JARID2: variants seen among roughly 807,000 people sequenced by gnomAD.
JARID2 encodes protein Jumonji.
A neutral mutation model predicts 125.6 loss-of-function variants in JARID2; 21 were observed. The ratio of observed to expected loss-of-function variants is 0.17; its 90% CI spans 0.12 to 0.24. The LOEUF is 0.24. Among genes scored for constraint, JARID2 ranks in the 10% least tolerant of loss-of-function variants. The pLI, the probability that JARID2 is intolerant of heterozygous loss-of-function variation, is 1.00. For missense variants in JARID2, 1,303 were observed against 1,639.6 expected (o/e 0.79, Z 3.55); for synonymous variants, 736 against 661.6 (o/e 1.11, Z -1.73).
rs149575021 is a variant in JARID2, at chr6:15,448,638, C to T, written c.324-3368C>T. Among the ~76,000 whole-genome samples, 14 of 152,248 alleles carry T rather than the reference C, an allele frequency of 9.2e-5. No homozygotes were observed. In the East Asian group the frequency reaches 2.3e-3, roughly 25 times the overall value. ...AAACCAGCAATTTTTCTAAATATGG[C>T]ACAACATTTCCTTTGTTTTAAAACA... On this transcript the variant is annotated intron_variant, in intron 3 of 17. Transcript: ENST00000341776.
At chr6:15,455,816 C>T (rs1437278723) in intron 4 of JARID2, among the ~76,000 whole-genome samples, 2 of 152,200 alleles carry the variant, frequency 1.3e-5, no homozygotes, top group East Asian at 1.9e-4. Flanking sequence ...GCATGAGTCA[C>T]CATGCCCGGC....
In JARID2 at chr6:15,478,136, A is replaced by G. The variant is rs184720911; in HGVS notation, c.671-9171A>G. The stretch of plus-strand genomic sequence containing the variant: ...CTTCGGGATAGTTGGCCCATGCCCC[A>G]TGAGTTTGGTGTTGTTACCTTCGTA... On this transcript the variant is annotated intron_variant, in intron 5 of 17. Coordinates refer to ENST00000341776, the MANE Select transcript of JARID2 (RefSeq NM_004973.4). Among the ~76,000 whole-genome samples, 40 of 152,270 alleles carry G rather than the reference A, an allele frequency of 2.6e-4. 1 individual carries two copies. The East Asian group carries it at 7.5e-3, about 29-fold the overall frequency.
intron 1 of JARID2, among the ~76,000 whole-genome samples, chr6:15,267,959 T>C (rs1000150030): frequency 6.6e-6 from 1 of 152,162 alleles, no homozygotes; most frequent in Non-Finnish European, 1.5e-5. Context: ...CTCCTAAGGC[T>C]TAACTGCGGC....
At chr6:15,498,797 C>G (rs1283781028) in intron 7 of JARID2, among the ~76,000 whole-genome samples, 1 of 152,234 alleles carries the variant, frequency 6.6e-6, no homozygotes, top group Non-Finnish European at 1.5e-5. Flanking sequence ...GTGCAGGGAG[C>G]AGGCTCTGCA....
chr6:15,341,967 ATTT>A (rs1170241830), intron 1 of JARID2, among the ~76,000 whole-genome samples: 4 of 152,026 alleles, frequency 2.6e-5, no homozygotes, highest in Non-Finnish European at 4.4e-5. Context: ...AGAGCAATAT[ATTT>A]TTATCTTAGA....
chr6:15,506,873 T>G (rs1771029521), intron 9 of JARID2, among the ~76,000 whole-genome samples: 1 of 152,248 alleles, frequency 6.6e-6, no homozygotes, highest in South Asian at 2.1e-4. Context: ...TGGGATACTT[T>G]GGTGGCTTCA....
chr6:15,504,576 C>T lies in JARID2; in HGVS notation c.2525C>T (p.Ala842Val), dbSNP rs1770902747. The change falls in exon 9 of 18, where the codon GCC becomes GTC. Residue 842 changes from alanine (A) to valine (V), a missense_variant. Coordinates refer to ENST00000341776, the MANE Select transcript of JARID2 (RefSeq NM_004973.4). ...IMSMCFSKEP[A>V]PAEIEQEYWR... The stretch of plus-strand genomic sequence containing the variant: ...AGCATGTGTTTCAGCAAGGAGCCTG[C>T]CCCAGCCGAAATCGAGGTGAGAGAA... 1 of 1,613,316 alleles carries T rather than the reference C, an allele frequency of 6.2e-7. No individual in the cohort carries two copies. Among genetic ancestry groups the T allele is most frequent in the Non-Finnish European group, 8.5e-7 (1 of 1,179,292 alleles).
intron 2 of JARID2, among the ~76,000 whole-genome samples, chr6:15,404,844 A>G (rs1765585725): frequency 6.6e-6 from 1 of 152,158 alleles, no homozygotes; most frequent in South Asian, 2.1e-4. Context: ...GTTTTGGGGC[A>G]CTGCTTTTGT....
chr6:15,384,699 C>T (rs547902691), intron 2 of JARID2, among the ~76,000 whole-genome samples: 6 of 152,202 alleles, frequency 3.9e-5, no homozygotes, highest in East Asian at 3.9e-4. Flanking sequence ...TTTAACATCC[C>T]GCCCCAACCC....
intron 1 of JARID2, among the ~76,000 whole-genome samples, chr6:15,338,514 G>A (rs1366267408): frequency 6.6e-6 from 1 of 152,252 alleles, no homozygotes; most frequent in Non-Finnish European, 1.5e-5. Flanking sequence ...GGCCCCATAT[G>A]TGCAGGCTTT....
At chr6:15,374,493 C>G (rs969595919) in intron 2 of JARID2, among the ~76,000 whole-genome samples, 1 of 152,194 alleles carries the variant, frequency 6.6e-6, no homozygotes, top group Non-Finnish European at 1.5e-5. Flanking sequence ...TAGGTCCTGT[C>G]TTGCTGGTTT....
intron 1 of JARID2, among the ~76,000 whole-genome samples, chr6:15,291,294 T>C (rs1761203607): frequency 6.6e-6 from 1 of 152,198 alleles, no homozygotes; most frequent in African/African-American, 2.4e-5. Context: ...TCTTGGTGAA[T>C]GTGTTTATCA....
chr6:15,401,898 GTTTTTTTT>G (rs34203284), intron 2 of JARID2, among the ~76,000 whole-genome samples: 8 of 126,492 alleles, frequency 6.3e-5, no homozygotes, highest in African/African-American at 9.0e-5. Context: ...GTTGTCAGCA[GTTTTTTTT>G]TTTTTTTTTT....
chr6:15,281,466 C>T (rs1169456000), intron 1 of JARID2, among the ~76,000 whole-genome samples: 1 of 152,206 alleles, frequency 6.6e-6, no homozygotes, highest in African/African-American at 2.4e-5. Flanking sequence ...TCCTATTGTA[C>T]TGCCTTCCTC....
intron 3 of JARID2, among the ~76,000 whole-genome samples, chr6:15,422,025 G>A (rs557143865): frequency 6.6e-6 from 1 of 152,194 alleles, no homozygotes; most frequent in Non-Finnish European, 1.5e-5. Flanking sequence ...ACTGAGCGAT[G>A]GATAGAAAGG....
intron 1 of JARID2, among the ~76,000 whole-genome samples, chr6:15,362,543 T>G (rs753471547): frequency 6.6e-6 from 1 of 152,216 alleles, no homozygotes; most frequent in Non-Finnish European, 1.5e-5. Context: ...TATGAGATGC[T>G]CATACCTTAT....
chr6:15,366,535 G>T (rs1763985808), intron 1 of JARID2, among the ~76,000 whole-genome samples: 1 of 107,076 alleles, frequency 9.3e-6, no homozygotes, highest in Non-Finnish European at 2.0e-5. Context: ...GGTGGGGGGT[G>T]GGGTTGGCAA....
intron 3 of JARID2, among the ~76,000 whole-genome samples, chr6:15,440,057 C>CT (rs2127616148): frequency 6.6e-6 from 1 of 152,342 alleles, no homozygotes; most frequent in East Asian, 1.9e-4. Flanking sequence ...GAGAGAATGA[C>CT]TTTACCTTCT....
At chr6:15,248,788 C>T in intron 1 of JARID2, 1 of 356,464 alleles carries the variant, frequency 2.8e-6, no homozygotes, top group Non-Finnish European at 3.9e-6. Flanking sequence ...TCCCCTCCTC[C>T]TCCGTGACGT....
Sources: allele counts gnomAD v4.1 joint callset (sites outside exome capture counted in the v4.1 genomes callset), GRCh38; gene constraint gnomAD v4.1.1; transcripts MANE v1.5; gene names NCBI Gene and HGNC (gene_info 2026-07-23, HGNC 2026-07-21).